ALG14: variants seen among roughly 807,000 people sequenced by gnomAD.
ALG14 encodes the protein ALG14 UDP-N-acetylglucosaminyltransferase subunit.
Under a neutral mutation model 22.8 loss-of-function variants are expected in ALG14, and 17 were observed. The observed-to-expected ratio is 0.75, with a 90% CI of 0.51 to 1.12. The LOEUF (loss-of-function observed/expected upper bound fraction) is 1.12, where lower values mean the gene tolerates loss of function less well. ALG14 is among the 50% of genes most tolerant of loss of function. The pLI is 0.00. For synonymous variants in ALG14, 89 were observed against 103.7 expected, an observed-to-expected ratio of 0.86 and a Z score of 0.86; for missense variants, 288 against 271.8, an observed-to-expected ratio of 1.06 and a Z score of -0.42.
chr1:95,045,028 C>T (rs1233671069), intron 2 of ALG14, among the ~76,000 whole-genome samples: 2 of 151,964 alleles, frequency 1.3e-5, no homozygotes, highest in African/African-American at 4.8e-5. Flanking sequence ...CTATTGGGCC[C>T]ATATTGATCA....
intron 3 of ALG14, among the ~76,000 whole-genome samples, chr1:94,987,713 C>T (rs545044244): frequency 1.3e-5 from 2 of 152,260 alleles, no homozygotes; most frequent in South Asian, 4.1e-4. Context: ...ATGTATTTAA[C>T]TTGAGTAGTC....
chr1:95,029,767 G>C (rs1437529841), intron 2 of ALG14, among the ~76,000 whole-genome samples: 1 of 152,234 alleles, frequency 6.6e-6, no homozygotes, highest in Non-Finnish European at 1.5e-5. Context: ...AAATGGAAAT[G>C]TGTGACCACT....
chr1:95,037,292 G>C (rs747981673), intron 2 of ALG14, among the ~76,000 whole-genome samples: 36 of 152,284 alleles, frequency 2.4e-4, no homozygotes, highest in Non-Finnish European at 4.6e-4. Context: ...GCCTGGAATG[G>C]CTGAAGCAAC....
rs146730324 is a variant in ALG14 at position 95,049,402 on chromosome 1, G to A, written c.288+15464C>T. On this transcript the variant is annotated intron_variant, in intron 2 of 3. Transcript: ENST00000370205. ...ACAAGAAATTAGCCTGGTGTGAGTG[G>A]TGTGCACCTGTAGTCCCAGCTACTC... 7.6e-3 allele frequency among the ~76,000 whole-genome samples: 1,158 copies of A among 152,134 alleles called. 13 individuals carry two copies. The highest frequency in any genetic ancestry group is 0.016 in the South Asian group (75 of 4,814).
At chr1:95,030,374 C>G (rs1207795896) in intron 2 of ALG14, among the ~76,000 whole-genome samples, 1 of 151,874 alleles carries the variant, frequency 6.6e-6, no homozygotes. Context: ...TGGACCTATA[C>G]TACAAACTAC....
At chr1:95,054,040 C>CA (rs1476588580) in intron 2 of ALG14, among the ~76,000 whole-genome samples, 1 of 152,136 alleles carries the variant, frequency 6.6e-6, no homozygotes, top group East Asian at 1.9e-4. Context: ...CCTCAAACAA[C>CA]AAAAAAATGA....
At chr1:95,064,120 A>G (rs1443743312) in intron 2 of ALG14, among the ~76,000 whole-genome samples, 1 of 152,146 alleles carries the variant, frequency 6.6e-6, no homozygotes, top group Non-Finnish European at 1.5e-5. Context: ...GTGATTCTGC[A>G]CATTGATTTT....
At chr1:95,065,487 G>GAGGC (rs1443504085) in intron 1 of ALG14, among the ~76,000 whole-genome samples, 1 of 152,200 alleles carries the variant, frequency 6.6e-6, no homozygotes, top group Non-Finnish European at 1.5e-5. Flanking sequence ...TAGGAGTAGG[G>GAGGC]AGGCCACTGG....
At chr1:94,983,526 G>A in intron 3 of ALG14, 1 of 545,616 alleles carries the variant, frequency 1.8e-6, no homozygotes, top group Non-Finnish European at 3.3e-6. Flanking sequence ...TACCAACTGT[G>A]TGACTCAGGG....
At chr1:94,984,880 T>C (rs1195089517) in intron 3 of ALG14, among the ~76,000 whole-genome samples, 1 of 152,252 alleles carries the variant, frequency 6.6e-6, no homozygotes, top group South Asian at 2.1e-4. Context: ...CTAAACATTT[T>C]ACGTGTATTA....
chr1:95,033,458 C>T lies in ALG14; in HGVS notation c.289-6198G>A, dbSNP rs185356861. On this transcript the variant is annotated intron_variant, in intron 2 of 3. Coordinates refer to ENST00000370205, the MANE Select transcript of ALG14 (RefSeq NM_144988.4). ...ACACACACACACATACATATATATA[C>T]ACACACACACACATATATATATACA... Among the ~76,000 whole-genome samples the T allele has an allele frequency of 5.4e-4, 79 of 147,542 alleles. No homozygotes were observed. In the East Asian group the frequency reaches 7.6e-3, roughly 14 times the overall value.
At chr1:95,041,646 AAAAG>A (rs980427097) in intron 2 of ALG14, 6 of 152,240 alleles carry the variant, frequency 3.9e-5, no homozygotes, top group African/African-American at 9.6e-5. Context: ...GAAAGAAAAA[AAAAG>A]AAAGGGAAAA....
At chr1:95,071,811 G>A (rs924546551) in intron 1 of ALG14, among the ~76,000 whole-genome samples, 2 of 152,184 alleles carry the variant, frequency 1.3e-5, no homozygotes, top group Non-Finnish European at 2.9e-5. Context: ...CCTGAAGACT[G>A]CCATAGCAAT....
chr1:95,043,528 T>G (rs2100801187), intron 2 of ALG14, among the ~76,000 whole-genome samples: 1 of 152,318 alleles, frequency 6.6e-6, no homozygotes, highest in South Asian at 2.1e-4. Context: ...GCAGGCTCTA[T>G]GTTCAGCTCT....
intron 1 of ALG14, among the ~76,000 whole-genome samples, chr1:95,071,771 T>C (rs1021379291): frequency 1.3e-5 from 2 of 152,180 alleles, no homozygotes; most frequent in African/African-American, 4.8e-5. Context: ...AAGCTGTCTG[T>C]TTTTTAAGAC....
intron 3 of ALG14, among the ~76,000 whole-genome samples, chr1:94,986,298 G>A (rs1365967144): frequency 6.6e-6 from 1 of 152,136 alleles, no homozygotes; most frequent in African/African-American, 2.4e-5. Context: ...TCTGCACCTA[G>A]AACAAAGCAG....
intron 2 of ALG14, among the ~76,000 whole-genome samples, chr1:95,053,973 T>G (rs1053639649): frequency 2.0e-5 from 3 of 152,162 alleles, no homozygotes; most frequent in Non-Finnish European, 2.9e-5. Flanking sequence ...AATGTCAGAT[T>G]AGAGTTTTAC....
At chr1:95,008,927 C>T (rs1673289861) in intron 3 of ALG14, among the ~76,000 whole-genome samples, 1 of 152,038 alleles carries the variant, frequency 6.6e-6, no homozygotes, top group Non-Finnish European at 1.5e-5. Flanking sequence ...CAGTATTAGT[C>T]CTTTTGTGCT....
intron 3 of ALG14, among the ~76,000 whole-genome samples, chr1:94,988,367 G>A (rs1262790631): frequency 2.0e-5 from 3 of 152,228 alleles, no homozygotes; most frequent in Non-Finnish European, 4.4e-5. Context: ...TGTCAAAGAT[G>A]ATGAAATGAT....
Sources: allele counts gnomAD v4.1 joint callset (sites outside exome capture counted in the v4.1 genomes callset), GRCh38; gene constraint gnomAD v4.1.1; transcripts MANE v1.5; gene names NCBI Gene and HGNC (gene_info 2026-07-23, HGNC 2026-07-21).